Variants in DNAJC6 observed in about 807,000 individuals in gnomAD.
DNAJC6 encodes the protein auxilin.
In DNAJC6, 34 loss-of-function variants were observed where a neutral mutation model predicts 110.0. The ratio of observed to expected loss-of-function variants is 0.31; its 90% CI spans 0.24 to 0.41. DNAJC6 has a LOEUF of 0.41. Among genes scored for constraint, DNAJC6 ranks in the 10% least tolerant of loss-of-function variants. The pLI is 1.00. For synonymous variants in DNAJC6, 406 were observed against 437.2 expected (o/e 0.93, Z 0.89); for missense variants, 1,031 against 1,207.8 (o/e 0.85, Z 2.17).
intron 1 of DNAJC6, among the ~76,000 whole-genome samples, chr1:65,301,439 C>T (rs1644977639): frequency 6.6e-6 from 1 of 152,150 alleles, no homozygotes; most frequent in South Asian, 2.1e-4. Context: ...GTCCCCAAAA[C>T]TGCTCCCCCA....
chr1:65,371,648 G>A (rs72679482), intron 4 of DNAJC6, among the ~76,000 whole-genome samples: 1,754 of 152,260 alleles, frequency 0.012, 17 homozygotes, highest in Middle Eastern at 0.031. Context: ...CCTGTCTTGG[G>A]CAAGGGATGA....
In DNAJC6 at chr1:65,369,071, ATCT is replaced by A. The variant is rs1156782162; in HGVS notation, c.543+2883_543+2885del. On this transcript the variant is annotated intron_variant, in intron 4 of 18. Transcript: ENST00000371069. ...AGGTGTGAGCCACCACCCCCAGCCC[ATCT>A]TCTTCTTTATTTGCCTAATTTTGCT... 4.6e-5 allele frequency among the ~76,000 whole-genome samples: 7 copies of A among 152,054 alleles called. No individual in the cohort carries two copies. In the East Asian group the frequency reaches 7.8e-4, roughly 17 times the overall value.
chr1:65,343,007 A>G (rs971728549), intron 1 of DNAJC6, among the ~76,000 whole-genome samples: 1 of 152,154 alleles, frequency 6.6e-6, no homozygotes, highest in Non-Finnish European at 1.5e-5. Context: ...CAGTGATTCT[A>G]AATTTCTTTA....
At chr1:65,310,985 G>T (rs1645093886) in intron 1 of DNAJC6, among the ~76,000 whole-genome samples, 1 of 152,068 alleles carries the variant, frequency 6.6e-6, no homozygotes, top group South Asian at 2.1e-4. Context: ...GCAAACAAAT[G>T]CTTGTTTATT....
chr1:65,303,543 C>A (rs10889538), intron 1 of DNAJC6, among the ~76,000 whole-genome samples: 2 of 151,066 alleles, frequency 1.3e-5, no homozygotes, highest in South Asian at 2.1e-4. Context: ...TGCTTCCATG[C>A]GCCTCATTTG....
chr1:65,315,485 T>A (rs1645141009), intron 1 of DNAJC6, among the ~76,000 whole-genome samples: 1 of 152,118 alleles, frequency 6.6e-6, no homozygotes, highest in South Asian at 2.1e-4. Flanking sequence ...ACAACATGAG[T>A]GTGTGTAAAT....
At chr1:65,412,670 T>C (rs1646139120) in intron 18 of DNAJC6, among the ~76,000 whole-genome samples, 1 of 152,168 alleles carries the variant, frequency 6.6e-6, no homozygotes, top group Non-Finnish European at 1.5e-5. Flanking sequence ...GAGATACGTC[T>C]TGTGCTGCCT....
Position 65,412,025 on chromosome 1 carries a change from G to C in DNAJC6, c.2811+599G>C, listed in dbSNP as rs1480417592. On this transcript the variant is annotated intron_variant, in intron 18 of 18. Coordinates refer to ENST00000371069, the MANE Select transcript of DNAJC6 (RefSeq NM_001256864.2). The stretch of plus-strand genomic sequence containing the variant: ...TCCTGGCTTACAATAGTAAGGACAG[G>C]CTAAGAGCTGGACAGAAGAAAACTC... Among the ~76,000 whole-genome samples the C allele has an allele frequency of 2.0e-5, 3 of 152,144 alleles. No individual in the cohort carries two copies. The East Asian group carries it at 5.8e-4, about 29-fold the overall frequency.
chr1:65,312,315 G>A (rs567359962), intron 1 of DNAJC6, among the ~76,000 whole-genome samples: 1 of 152,290 alleles, frequency 6.6e-6, no homozygotes, highest in African/African-American at 2.4e-5. Flanking sequence ...AGAATGATTT[G>A]TTTGGTTTGA....
intron 1 of DNAJC6, among the ~76,000 whole-genome samples, chr1:65,344,374 A>G (rs964752138): frequency 5.3e-5 from 8 of 152,294 alleles, no homozygotes; most frequent in South Asian, 2.1e-4. Context: ...AGGTTGCATC[A>G]CACCCTTGAG....
At chr1:65,331,260 A>T (rs1264706314) in intron 1 of DNAJC6, among the ~76,000 whole-genome samples, 1 of 152,214 alleles carries the variant, frequency 6.6e-6, no homozygotes, top group Admixed American at 6.5e-5. Context: ...ATTTCTAGGA[A>T]AAGTGGCAAA....
intron 16 of DNAJC6, 32 bp downstream of exon 16, chr1:65,406,165 G>A: frequency 1.3e-6 from 2 of 1,591,500 alleles, no homozygotes; most frequent in Non-Finnish European, 1.7e-6. Context: ...CTAGCTATGG[G>A]GCAGCCTGTC....
chr1:65,368,261 C>T (rs2101564278), intron 4 of DNAJC6, among the ~76,000 whole-genome samples: 1 of 152,228 alleles, frequency 6.6e-6, no homozygotes, highest in East Asian at 1.9e-4. Context: ...GGAGTGGAGT[C>T]ATTTCTTGCC....
rs563291866 is a variant in DNAJC6 at position 65,366,029 on chromosome 1, T to C, written c.395-19T>C. On this transcript the variant is annotated intron_variant, in intron 3 of 18. Coordinates refer to ENST00000371069, the MANE Select transcript of DNAJC6 (RefSeq NM_001256864.2). ...GTAAACATTTAACCTGTTTTCTTTC[T>C]GTGTGATCTCTCTCCTAGTGATGTC... 15 of 1,613,612 alleles carry C rather than the reference T, an allele frequency of 9.3e-6. No homozygotes were observed. In the South Asian group the frequency reaches 1.5e-4, roughly 17 times the overall value.
chr1:65,332,062 G>C (rs922857400), intron 1 of DNAJC6, among the ~76,000 whole-genome samples: 2 of 152,320 alleles, frequency 1.3e-5, no homozygotes, highest in Middle Eastern at 3.4e-3. Context: ...TTCCAGGCCT[G>C]AGTTTGCCAG....
chr1:65,296,137 C>A (rs1248652908), intron 1 of DNAJC6, among the ~76,000 whole-genome samples: 1 of 152,008 alleles, frequency 6.6e-6, no homozygotes, highest in Admixed American at 6.6e-5. Flanking sequence ...ATTTCAGAGG[C>A]AAAGATGAAA....
chr1:65,349,808 G>A (rs1645474676), intron 1 of DNAJC6, among the ~76,000 whole-genome samples: 1 of 151,842 alleles, frequency 6.6e-6, no homozygotes, highest in Non-Finnish European at 1.5e-5. Context: ...TCCTGTTTTG[G>A]GTTTGCTGAG....
chr1:65,316,729 G>A (rs1352042019), intron 1 of DNAJC6, among the ~76,000 whole-genome samples: 3 of 152,136 alleles, frequency 2.0e-5, no homozygotes, highest in East Asian at 1.9e-4. Context: ...ACTGTTGGTC[G>A]AAAGCTAGAC....
chr1:65,313,313 G>C (rs747038390), intron 1 of DNAJC6, among the ~76,000 whole-genome samples: 2 of 151,304 alleles, frequency 1.3e-5, no homozygotes, highest in Non-Finnish European at 2.9e-5. Context: ...TGACCACCTC[G>C]GCCTCCCTCC....
Sources: gnomAD v4.1 joint callset for allele counts (sites outside exome capture counted in the v4.1 genomes callset) on GRCh38, gnomAD v4.1.1 for gene constraint, MANE v1.5 for transcripts, NCBI Gene and HGNC (gene_info 2026-07-23, HGNC 2026-07-21) for gene names.